The following PTDSS2 variants were observed in gnomAD, a reference collection of about 807,000 sequenced individuals.
The protein encoded by PTDSS2 is PSS-2.
PTDSS2 carries 41 observed loss-of-function variants against 64.7 expected under a neutral mutation model. That is an observed-to-expected ratio of 0.63 (90% CI 0.49 to 0.82). PTDSS2 has a LOEUF of 0.82. Among genes scored for constraint, PTDSS2 ranks in the 40% least tolerant of loss-of-function variants. PTDSS2 has a pLI of 0.00. For synonymous variants in PTDSS2, 297 were observed against 277.8 expected (o/e 1.07, Z -0.69); for missense variants, 485 against 650.0 (o/e 0.75, Z 2.76).
chr11:488,791 A>AC, intron 8 of PTDSS2, 144 bp downstream of exon 8: 2 of 664,772 alleles, frequency 3.0e-6, no homozygotes, highest in South Asian at 3.5e-5. Flanking sequence ...GCCTCCTGGA[A>AC]CCTCCCTCTG....
chr11:473,870 G>A, intron 2 of PTDSS2, 25 bp from the exon 3 acceptor site: 1 of 1,573,582 alleles, frequency 6.4e-7, no homozygotes, highest in South Asian at 1.1e-5. Context: ...CACACACTGA[G>A]GGGCTGTTTG....
chr11:489,488 C>T lies in PTDSS2; in HGVS notation c.943C>T (p.Leu315=). 6.2e-7 allele frequency: 1 copy of T among 1,613,196 alleles called. No individual in the cohort carries two copies. Among genetic ancestry groups the T allele is most frequent in the Non-Finnish European group, 8.5e-7 (1 of 1,179,814 alleles). Residue 315 remains leucine, a synonymous_variant, in exon 9 of 12, where the codon CTG becomes TTG. Coordinates refer to ENST00000308020, the MANE Select transcript of PTDSS2 (RefSeq NM_030783.3). ...GCCGGCCTCCAGCCTGCGTCGCTGG[C>T]TGGCCGTGTGCGGCATCATCCTGGT... is the stretch of plus-strand genomic sequence containing the variant. ...WKPASSLRRW[L]AVCGIILVFL... is the part of the protein sequence containing the mutation.
chr11:471,291 T>C (rs1847416257), intron 2 of PTDSS2, among the ~76,000 whole-genome samples: 1 of 151,688 alleles, frequency 6.6e-6, no homozygotes, highest in Admixed American at 6.6e-5. Flanking sequence ...GAGACAGGAG[T>C]TTCATGTCGG....
chr11:449,771 A>AC (rs1846236101), upstream of PTDSS2, among the ~76,000 whole-genome samples: 1 of 151,862 alleles, frequency 6.6e-6, no homozygotes, highest in African/African-American at 2.4e-5. Context: ...ACATAGTGAA[A>AC]CCCCGTCTCT....
At chr11:483,668 G>A in intron 4 of PTDSS2, among the ~76,000 whole-genome samples, 1 of 152,256 alleles carries the variant, frequency 6.6e-6, no homozygotes, top group East Asian at 1.9e-4. Context: ...AAATCCTGCT[G>A]GGTCCCAGGG....
At position 488,514 on chromosome 11, in the gene PTDSS2, G is replaced by T. The variant is rs377468620; in HGVS notation, c.736-15G>T. 1.7e-5 allele frequency: 27 copies of T among 1,603,656 alleles called. No homozygotes were observed. Among genetic ancestry groups the T allele is most frequent in the Non-Finnish European group, 1.5e-5 (17 of 1,171,172 alleles). On this transcript the variant is annotated splice_polypyrimidine_tract_variant and intron_variant, in intron 7 of 11. Transcript: ENST00000308020. ...ACCCCTCACCCCTGCAACGAGTGCT[G>T]GCCCCTCCCTGCAGTGGATCATGGA...
At chr11:448,631 C>G (rs1044484213), upstream of PTDSS2, among the ~76,000 whole-genome samples, 2 of 152,208 alleles carry the variant, frequency 1.3e-5, no homozygotes, top group Non-Finnish European at 2.9e-5. Context: ...CTGGAGCCAG[C>G]GCCTCCCGCA....
rs1375712737 is a variant in PTDSS2 at position 479,868 on chromosome 11, A to G, written c.435+716A>G. ...AACACACATTTTTGGGGCTGTCTTC[A>G]GCTTACAAAGGACTTTATTATTCCC... is the stretch of plus-strand genomic sequence containing the variant. On this transcript the variant is annotated intron_variant, in intron 4 of 11. Transcript: ENST00000308020. The surrounding 1 kb of genome is among the most constrained non-coding windows in gnomAD (Gnocchi z 4.2). Among the ~76,000 whole-genome samples the G allele has an allele frequency of 6.6e-6, 1 of 152,220 alleles. No individual in the cohort carries two copies. Among genetic ancestry groups the G allele is most frequent in the East Asian group, 1.9e-4 (1 of 5,204 alleles).
At chr11:472,430 C>G (rs1212714145) in intron 2 of PTDSS2, among the ~76,000 whole-genome samples, 1 of 152,322 alleles carries the variant, frequency 6.6e-6, no homozygotes, top group African/African-American at 2.4e-5. Flanking sequence ...CTGCCTCTGT[C>G]CCTGGAGGCT....
rs147270893 is a variant in PTDSS2 at position 476,329 on chromosome 11, G to A, written c.367+2352G>A. ...GTCACACAGTGAAAAGCCTGGCGCCGTGACGGTGAGAAACTGCCCGTCACA... is the reference window on the plus strand; with the variant it reads ...GTCACACAGTGAAAAGCCTGGCGCCATGACGGTGAGAAACTGCCCGTCACA... On this transcript the variant is annotated intron_variant, in intron 3 of 11. Coordinates refer to ENST00000308020, the MANE Select transcript of PTDSS2 (RefSeq NM_030783.3). The surrounding 1 kb of genome is among the most constrained non-coding windows in gnomAD (Gnocchi z 4.9). Among the ~76,000 whole-genome samples the A allele has an allele frequency of 2.0e-5, 3 of 152,208 alleles. No homozygotes were observed. The East Asian group carries it at 5.8e-4, about 29-fold the overall frequency.
Position 450,309 on chromosome 11 carries a change from C to T in PTDSS2, c.-147C>T. 1.7e-6 allele frequency: 1 copy of T among 587,316 alleles called. No homozygotes were observed. The highest frequency in any genetic ancestry group is 2.5e-6 in the Non-Finnish European group (1 of 405,370). The allele number at this position is 587,316 out of a possible 1,614,324, so 36.4% of individuals were successfully genotyped here. Reference sequence around the variant, plus strand: ...GCACCGCACACCCTTTACTGGCCGGCCCCGCGCTGCTCTCCTAAGACCCCG... The same window carrying T: ...GCACCGCACACCCTTTACTGGCCGGTCCCGCGCTGCTCTCCTAAGACCCCG... On this transcript the variant is annotated 5_prime_UTR_variant, in exon 1 of 12. Coordinates refer to ENST00000308020, the MANE Select transcript of PTDSS2 (RefSeq NM_030783.3).
At chr11:449,217 G>A (rs961830260), upstream of PTDSS2, among the ~76,000 whole-genome samples, 4 of 152,128 alleles carry the variant, frequency 2.6e-5, no homozygotes, top group African/African-American at 4.8e-5. Context: ...ACAAGCGCCC[G>A]CCACAATGCC....
chr11:490,791 T>TGTGTGTGCGC lies in PTDSS2; in HGVS notation c.*215_*216insGCGCGTGTGT. The TGTGTGTGCGC allele has an allele frequency of 5.2e-6, 3 of 574,062 alleles. No homozygotes were observed. The highest frequency in any genetic ancestry group is 3.1e-5 in the Admixed American group (1 of 31,942). 35.6% of individuals were successfully genotyped at this position (574,062 alleles called of 1,614,324 possible). On this transcript the variant is annotated 3_prime_UTR_variant, in exon 12 of 12. Transcript: ENST00000308020. ...GTACACGTGTGTACGTGTGTATGCG[T>TGTGTGTGCGC]GTGTGTACGCGTGTGTACGCGCGTG...
intron 1 of PTDSS2, among the ~76,000 whole-genome samples, chr11:453,268 A>G (rs918358227): frequency 2.6e-5 from 4 of 152,132 alleles, no homozygotes; most frequent in Non-Finnish European, 5.9e-5. Flanking sequence ...AGACTCCGAG[A>G]AGCCCTGTGC....
chr11:449,553 G>T (rs1846228053), upstream of PTDSS2, among the ~76,000 whole-genome samples: 1 of 152,262 alleles, frequency 6.6e-6, no homozygotes, highest in Non-Finnish European at 1.5e-5. Flanking sequence ...TGGCTCAGGA[G>T]CTAATTTTTT....
intron 11 of PTDSS2, 134 bp from the exon 12 acceptor site, chr11:490,286 C>T (rs764320011): frequency 2.5e-5 from 33 of 1,312,670 alleles, no homozygotes; most frequent in East Asian, 1.2e-4. Flanking sequence ...CCACGGCTGC[C>T]GTCCCAGGGC....
chr11:454,384 CTG>C (rs1846488160), intron 1 of PTDSS2, among the ~76,000 whole-genome samples: 1 of 152,168 alleles, frequency 6.6e-6, no homozygotes, highest in African/African-American at 2.4e-5. Flanking sequence ...CAGGTAATCT[CTG>C]TGTTTTGGGG....
chr11:450,007 C>A (rs1057268700), upstream of PTDSS2, among the ~76,000 whole-genome samples: 19 of 152,104 alleles, frequency 1.2e-4, no homozygotes, highest in Non-Finnish European at 2.2e-4. Context: ...AAAAGGAGAA[C>A]GGGGCTGGGC....
At chr11:475,694 T>C (rs1450268595) in intron 3 of PTDSS2, among the ~76,000 whole-genome samples, 3 of 152,180 alleles carry the variant, frequency 2.0e-5, no homozygotes, top group Non-Finnish European at 4.4e-5. Flanking sequence ...AAAATGACTT[T>C]AATCATTTAG....
Sources: gnomAD v4.1 joint callset for allele counts (sites outside exome capture counted in the v4.1 genomes callset) on GRCh38, gnomAD v4.1.1 for gene constraint, Gnocchi (gnomAD v3.1) non-coding constraint, MANE v1.5 for transcripts, NCBI Gene and HGNC (gene_info 2026-07-23, HGNC 2026-07-21) for gene names.